The following OR56A3 variants were observed in gnomAD, a reference collection of about 807,000 sequenced individuals.
The protein encoded by OR56A3 is olfactory receptor 56A3.
In OR56A3, 23 loss-of-function variants were observed where a neutral mutation model predicts 17.5. The observed-to-expected ratio is 1.32, with a 90% CI of 0.95 to 1.87. OR56A3 has a LOEUF of 1.87. Ranked by LOEUF, OR56A3 falls within the 40% of genes most tolerant of loss-of-function variation. The probability of loss-of-function intolerance (pLI) is 0.00; values close to 1 mark genes in which losing one functional copy is unlikely to be tolerated. For missense variants in OR56A3, 366 were observed against 380.1 expected, an observed-to-expected ratio of 0.96 and a Z score of 0.31; for synonymous variants, 175 against 150.6, an observed-to-expected ratio of 1.16 and a Z score of -1.19.
In OR56A3 at chr11:5,947,943, T is replaced by A. The variant is rs1219505403; in HGVS notation, c.597T>A (p.Asn199Lys). 3.7e-6 allele frequency: 6 copies of A among 1,614,088 alleles called. No individual in the cohort carries two copies. In the African/African-American group the frequency reaches 8.0e-5, roughly 22 times the overall value. Residue 199 changes from asparagine (N) to lysine (K), a missense_variant, in exon 3 of 3, where the codon AAT (asparagine) becomes AAA (lysine). Transcript: ENST00000641160. ...TCTCCTGCGATGATGTCACCATCAA[T>A]CACCTTTACCAATTTGCTGGAGGCT... ...SRLSCDDVTI[N>K]HLYQFAGGWT...
At chr11:5,995,891 C>T in the OR56A3 span, among the ~76,000 whole-genome samples, 1 of 152,176 alleles carries the variant, frequency 6.6e-6, no homozygotes, top group South Asian at 2.1e-4. Context: ...CTCAATCCCT[C>T]CCTCCCACCT....
At chr11:5,981,336 A>G in the OR56A3 span, among the ~76,000 whole-genome samples, 1 of 152,194 alleles carries the variant, frequency 6.6e-6, no homozygotes, top group Non-Finnish European at 1.5e-5. Flanking sequence ...ATAATTGCAT[A>G]TTTAATAAAA....
At chr11:5,978,114 A>G in the OR56A3 span, among the ~76,000 whole-genome samples, 2 of 152,116 alleles carry the variant, frequency 1.3e-5, no homozygotes, top group Non-Finnish European at 2.9e-5. Flanking sequence ...GTAGCCCTGT[A>G]GTACAGTTTG....
chr11:5,968,575 G>A, the OR56A3 span: 2 of 1,060,230 alleles, frequency 1.9e-6, no homozygotes, highest in South Asian at 1.5e-5. Context: ...AAACAAAGCT[G>A]TTAAAATATT....
the OR56A3 span, chr11:5,968,171 G>A: frequency 3.1e-6 from 5 of 1,614,074 alleles, no homozygotes; most frequent in Admixed American, 1.7e-5. Flanking sequence ...TCAGAAAACT[G>A]TTCATGATGA....
the OR56A3 span, among the ~76,000 whole-genome samples, chr11:5,992,466 C>T: frequency 5.6e-4 from 86 of 152,300 alleles, no homozygotes; most frequent in African/African-American, 2.0e-3. Flanking sequence ...TCATTTTGCT[C>T]CTCTCACTCC....
At chr11:6,007,384 T>C in the OR56A3 span, among the ~76,000 whole-genome samples, 1 of 152,114 alleles carries the variant, frequency 6.6e-6, no homozygotes, top group African/African-American at 2.4e-5. Context: ...AGATCTAATG[T>C]GAAGTGTGGG....
downstream of OR56A3, among the ~76,000 whole-genome samples, chr11:5,952,051 A>C (rs911538067): frequency 6.6e-6 from 1 of 152,228 alleles, no homozygotes; most frequent in Non-Finnish European, 1.5e-5. Context: ...GAGAATATAG[A>C]TATGTTCCAA....
chr11:5,970,036 A>G, the OR56A3 span, among the ~76,000 whole-genome samples: 3 of 152,386 alleles, frequency 2.0e-5, no homozygotes, highest in African/African-American at 4.8e-5. Flanking sequence ...TAGCCTTTGA[A>G]AAGATTTGAT....
At chr11:5,996,144 A>T in the OR56A3 span, among the ~76,000 whole-genome samples, 1 of 152,204 alleles carries the variant, frequency 6.6e-6, no homozygotes, top group Admixed American at 6.5e-5. Flanking sequence ...ATAGCAACAT[A>T]TGGAGTCAAC....
the OR56A3 span, chr11:6,002,940 A>T: frequency 6.2e-7 from 1 of 1,613,978 alleles, no homozygotes; most frequent in Non-Finnish European, 8.5e-7. Context: ...GGGGAAGCAG[A>T]TGAGGAGGAA....
At chr11:6,021,803 A>G in the OR56A3 span, 1 of 152,076 alleles carries the variant, frequency 6.6e-6, no homozygotes, top group Non-Finnish European at 1.5e-5. Flanking sequence ...GAACGCAAAC[A>G]ATGTCTAGTC....
the OR56A3 span, among the ~76,000 whole-genome samples, chr11:5,993,106 A>C: frequency 6.6e-6 from 1 of 152,210 alleles, no homozygotes; most frequent in African/African-American, 2.4e-5. Context: ...GAGGATACAA[A>C]CCTGTGAAGC....
At chr11:5,988,302 CT>C in the OR56A3 span, among the ~76,000 whole-genome samples, 1 of 94,438 alleles carries the variant, frequency 1.1e-5, no homozygotes, top group Non-Finnish European at 2.5e-5. Flanking sequence ...CTATCAGTGT[CT>C]TAATGGTTTG....
chr11:6,003,056 A>G, the OR56A3 span: 1 of 1,613,734 alleles, frequency 6.2e-7, no homozygotes, highest in Non-Finnish European at 8.5e-7. Flanking sequence ...AAGTACAGAA[A>G]CATAAAAAGT....
At chr11:5,969,837 G>T in the OR56A3 span, among the ~76,000 whole-genome samples, 1 of 152,198 alleles carries the variant, frequency 6.6e-6, no homozygotes, top group African/African-American at 2.4e-5. Flanking sequence ...TAGTCCAATT[G>T]AGAAGTGATC....
At chr11:5,955,507 A>G (rs991969972), downstream of OR56A3, among the ~76,000 whole-genome samples, 5 of 152,160 alleles carry the variant, frequency 3.3e-5, no homozygotes, top group African/African-American at 1.2e-4. Flanking sequence ...TGTTTATTAA[A>G]AAGTTTAGAG....
the OR56A3 span, among the ~76,000 whole-genome samples, chr11:5,998,544 AG>A: frequency 6.6e-6 from 1 of 152,224 alleles, no homozygotes; most frequent in Non-Finnish European, 1.5e-5. Flanking sequence ...ATATTTCAGA[AG>A]CAGCGAGTAA....
At chr11:5,966,925 A>C in the OR56A3 span, among the ~76,000 whole-genome samples, 1 of 96,548 alleles carries the variant, frequency 1.0e-5, no homozygotes, top group Non-Finnish European at 2.2e-5. Context: ...CACACACATA[A>C]ATATGAGTCA....
Sources: allele counts gnomAD v4.1 joint callset (sites outside exome capture counted in the v4.1 genomes callset), GRCh38; gene constraint gnomAD v4.1.1; transcripts MANE v1.5; gene names NCBI Gene and HGNC (gene_info 2026-07-23, HGNC 2026-07-21).